Variants in DDX56 observed in about 807,000 individuals in gnomAD.
The protein encoded by DDX56 is probable ATP-dependent RNA helicase DDX56.
A neutral mutation model predicts 61.5 loss-of-function variants in DDX56; 45 were observed. The observed-to-expected ratio is 0.73, with a 90% CI of 0.58 to 0.94. The LOEUF (loss-of-function observed/expected upper bound fraction) is 0.94. Ranked by LOEUF, DDX56 falls within the 40% of genes least tolerant of loss-of-function variation. The pLI is 0.00. For synonymous variants in DDX56, 273 were observed against 268.3 expected, an observed-to-expected ratio of 1.02 and a Z score of -0.17; for missense variants, 708 against 690.7, an observed-to-expected ratio of 1.02 and a Z score of -0.28.
intron 5 of DDX56, among the ~76,000 whole-genome samples, chr7:44,571,945 T>C (rs3765021): frequency 0.073 from 11,045 of 152,190 alleles, 501 homozygotes; most frequent in East Asian, 0.12. Context: ...ATAAACCATA[T>C]ATAAAATACT....
intron 13 of DDX56, 175 bp from the exon 14 acceptor site, chr7:44,566,254 G>C (rs1281195432): frequency 1.4e-6 from 1 of 693,220 alleles, no homozygotes; most frequent in African/African-American, 1.8e-5. Context: ...GAAAAGCAGG[G>C]CCTGCAGGCG....
In DDX56 at chr7:44,569,888, G is replaced by A. The variant is rs1562584009; in HGVS notation, c.1140C>T (p.Asn380=). Reference sequence around the variant, plus strand: ...CAAAGGTTAAGACTATGCCTGGGTTGTTAGCGCGTGCTGTCCTGCAAGGGA... The same window carrying A: ...CAAAGGTTAAGACTATGCCTGGGTTATTAGCGCGTGCTGTCCTGCAAGGGA... ...IHRAGRTARA[N]NPGIVLTFVL... The change falls in exon 9 of 14, where the codon AAC becomes AAT. Residue 380 remains asparagine, a synonymous_variant. Transcript: ENST00000258772. 6.2e-7 allele frequency: 1 copy of A among 1,611,128 alleles called. No homozygotes were observed. Among genetic ancestry groups the A allele is most frequent in the Non-Finnish European group, 8.5e-7 (1 of 1,178,476 alleles).
At chr7:44,568,841 G>C in intron 11 of DDX56, 62 bp downstream of exon 11, 1 of 1,400,734 alleles carries the variant, frequency 7.1e-7, no homozygotes, top group Non-Finnish European at 1.0e-6. Flanking sequence ...TCGGAGCTCA[G>C]CCAGTCTCCA....
intron 6 of DDX56, 37 bp from the exon 7 acceptor site, chr7:44,570,914 A>G (rs778953947): frequency 6.3e-7 from 1 of 1,592,080 alleles, no homozygotes; most frequent in East Asian, 2.3e-5. Flanking sequence ...AGCTCAGCAG[A>G]GCAAGCTCAA....
At chr7:44,572,276 TA>T in intron 5 of DDX56, 70 bp downstream of exon 5, 1 of 1,330,112 alleles carries the variant, frequency 7.5e-7, no homozygotes, top group Non-Finnish European at 1.1e-6. Context: ...AAGAATCCCC[TA>T]AGAAGGAGCA....
intron 7 of DDX56, 90 bp downstream of exon 7, chr7:44,570,668 C>G: frequency 6.6e-7 from 1 of 1,504,352 alleles, no homozygotes; most frequent in Admixed American, 2.1e-5. Context: ...AGGTTTGGCT[C>G]CCTGCTCTGT....
chr7:44,569,197 C>G lies in DDX56; in HGVS notation c.1226G>C (p.Arg409Thr). 1 of 1,613,834 alleles carries G rather than the reference C, an allele frequency of 6.2e-7. No individual in the cohort carries two copies. The highest frequency in any genetic ancestry group is 8.5e-7 in the Non-Finnish European group (1 of 1,180,022). ...KIEELLSGEN[R>T]GPILLPYQFR... ...CTGGTAGGGGAGCAGAATGGGGCCC[C>G]TGTTCTCTGTGGAGAAGAAAGCAGC... is the stretch of plus-strand genomic sequence containing the variant. The change falls in exon 10 of 14, where the codon AGG (arginine) becomes ACG (threonine). Residue 409 changes from arginine (R) to threonine (T), a missense_variant. By Grantham distance (71) the Arg-to-Thr change is moderately conservative. Coordinates refer to ENST00000258772, the MANE Select transcript of DDX56 (RefSeq NM_019082.4).
At chr7:44,568,311 G>C in intron 11 of DDX56, 88 bp from the exon 12 acceptor site, 1 of 970,414 alleles carries the variant, frequency 1.0e-6, no homozygotes, top group Non-Finnish European at 1.5e-6. Context: ...ACACACTCAT[G>C]TGTTTCAAAA....
At position 44,571,709 on chromosome 7, in the gene DDX56, G is replaced by C; in HGVS notation, c.673C>G (p.Leu225Val). The C allele has an allele frequency of 6.2e-7, 1 of 1,614,066 alleles. No individual in the cohort carries two copies. Among genetic ancestry groups the C allele is most frequent in the South Asian group, 1.1e-5 (1 of 91,090 alleles). ...PVTLKLQESQ[L>V]PGPDQLQQFQ... ...TGCTGTAACTGGTCTGGCCCAGGCA[G>C]CTGGGACTCCTGTAACTTAAGGGTA... The change falls in exon 6 of 14, where the codon CTG (leucine) becomes GTG (valine). Residue 225 changes from leucine to valine, a missense_variant. By Grantham distance (32) the Leu-to-Val change is conservative. Coordinates refer to ENST00000258772, the MANE Select transcript of DDX56 (RefSeq NM_019082.4).
At chr7:44,573,561 C>A in intron 2 of DDX56, 22 bp downstream of exon 2, 3 of 1,610,478 alleles carry the variant, frequency 1.9e-6, no homozygotes, top group Non-Finnish European at 2.5e-6. Flanking sequence ...TCCTTCCTCC[C>A]CTCAGCTCTC....
Position 44,570,054 on chromosome 7 carries a change from A to T in DDX56, c.1085T>A (p.Leu362His). Residue 362 changes from leucine to histidine, a missense_variant, in exon 8 of 14, where the codon CTT becomes CAT. Transcript: ENST00000258772. ...GATGTAGGCCTCAGGGGTTGGGGGA[A>T]GATCAAAGTTGAGCACAGCAGACAC... is the stretch of plus-strand genomic sequence containing the variant. ...HHVSAVLNFDLPPTPEAYIHR... is the reference protein window; with the variant it reads ...HHVSAVLNFDHPPTPEAYIHR... The T allele has an allele frequency of 6.2e-7, 1 of 1,614,178 alleles. No homozygotes were observed. The highest frequency in any genetic ancestry group is 8.5e-7 in the Non-Finnish European group (1 of 1,180,024).
At position 44,571,618 on chromosome 7, in the gene DDX56, G is replaced by C; in HGVS notation, c.764C>G (p.Ser255Ter). ...GAGCAGAGACTTGCCCCGAATCAAT[G>C]ACAGCTTGAGCAGGGCATACAGCAG... The part of the protein sequence containing the change: ...FLLLYALLKL[S>*]LIRGKSLLFV... Residue 255 changes from serine (S) to a stop codon, truncating the protein, a stop_gained, in exon 6 of 14, where the codon TCA becomes TGA. Coordinates refer to ENST00000258772, the MANE Select transcript of DDX56 (RefSeq NM_019082.4). LOFTEE classifies it high-confidence loss of function. The C allele has an allele frequency of 6.2e-7, 1 of 1,614,168 alleles. No homozygotes were observed. The highest frequency in any genetic ancestry group is 8.5e-7 in the Non-Finnish European group (1 of 1,180,044).
intron 11 of DDX56, 21 bp from the exon 12 acceptor site, chr7:44,568,244 G>A (rs1184377662): frequency 1.9e-6 from 3 of 1,542,830 alleles, no homozygotes; most frequent in South Asian, 2.3e-5. Context: ...AAGAGGGAGA[G>A]CCACAGAGTG....
intron 5 of DDX56, 119 bp downstream of exon 5, chr7:44,572,228 T>TGA (rs1802693874): frequency 3.8e-6 from 3 of 784,506 alleles, no homozygotes; most frequent in Non-Finnish European, 6.4e-6. Flanking sequence ...GGACCAGGGA[T>TGA]GAGACACTAA....
intron 9 of DDX56, 22 bp from the exon 10 acceptor site, chr7:44,569,225 G>T (rs1314262024): frequency 6.2e-7 from 1 of 1,609,668 alleles, no homozygotes. Flanking sequence ...AAAGCAGCGA[G>T]GGTCCCACAG....
At chr7:44,567,345 C>A (rs1357889664) in intron 12 of DDX56, among the ~76,000 whole-genome samples, 2 of 152,210 alleles carry the variant, frequency 1.3e-5, no homozygotes, top group East Asian at 1.9e-4. Context: ...GCTGAGCAGA[C>A]CCTGTGGCAT....
In DDX56 at chr7:44,572,242, A is replaced by G. The variant is rs904477609; in HGVS notation, c.645+105T>C. On this transcript the variant is annotated intron_variant, in intron 5 of 13. Transcript: ENST00000258772. ...AGGACCAGGGATGAGACACTAAGTGACAACTGTCCCACCCAAAACACCAAA... is the reference window on the plus strand; with the variant it reads ...AGGACCAGGGATGAGACACTAAGTGGCAACTGTCCCACCCAAAACACCAAA... The G allele has an allele frequency of 2.5e-5, 23 of 908,436 alleles. 1 individual carries two copies. In the East Asian group the frequency reaches 5.8e-4, roughly 23 times the overall value. 56.3% of individuals were successfully genotyped at this position (908,436 alleles called of 1,614,324 possible).
chr7:44,571,699 G>A lies in DDX56; in HGVS notation c.683C>T (p.Pro228Leu). The A allele has an allele frequency of 6.2e-7, 1 of 1,614,072 alleles. No individual in the cohort carries two copies. Among genetic ancestry groups the A allele is most frequent in the Non-Finnish European group, 8.5e-7 (1 of 1,180,032 alleles). The change falls in exon 6 of 14, where the codon CCA (proline) becomes CTA (leucine). Residue 228 changes from proline to leucine, a missense_variant. Physicochemically the swap from Pro to Leu is moderately conservative, Grantham distance 98. Transcript: ENST00000258772. ...LKLQESQLPGPDQLQQFQVVC... is the reference protein window; with the variant it reads ...LKLQESQLPGLDQLQQFQVVC... ...CACCTGAAACTGCTGTAACTGGTCT[G>A]GCCCAGGCAGCTGGGACTCCTGTAA...
chr7:44,569,506 CCA>C (rs1467520080), intron 9 of DDX56, among the ~76,000 whole-genome samples: 2 of 152,190 alleles, frequency 1.3e-5, no homozygotes, highest in African/African-American at 2.4e-5. Flanking sequence ...ATGACGACGG[CCA>C]CAGAGAGCAG....
Sources: allele counts gnomAD v4.1 joint callset (sites outside exome capture counted in the v4.1 genomes callset), GRCh38; gene constraint gnomAD v4.1.1; transcripts MANE v1.5; gene names NCBI Gene and HGNC (gene_info 2026-07-23, HGNC 2026-07-21).